Variants in NAMPT observed in about 807,000 individuals in gnomAD.
NAMPT encodes the protein NAmPRTase.
A neutral mutation model predicts 58.7 loss-of-function variants in NAMPT; 7 were observed. That is an observed-to-expected ratio of 0.12 (90% CI 0.07 to 0.22). The LOEUF (loss-of-function observed/expected upper bound fraction) is 0.22. Ranked by LOEUF, NAMPT falls within the 10% of genes least tolerant of loss-of-function variation. NAMPT has a pLI of 1.00. For synonymous variants in NAMPT, 145 were observed against 198.1 expected (o/e 0.73, Z 2.25); for missense variants, 271 against 567.9 (o/e 0.48, Z 5.31).
chr7:106,267,238 C>A (rs1383444643), intron 6 of NAMPT, among the ~76,000 whole-genome samples: 1 of 152,062 alleles, frequency 6.6e-6, no homozygotes, highest in Non-Finnish European at 1.5e-5. Context: ...TTTAATTGTA[C>A]CTCCTTACGA....
At chr7:106,285,250 C>G, upstream of NAMPT, 1 of 892,344 alleles carries the variant, frequency 1.1e-6, no homozygotes, top group Non-Finnish European at 1.4e-6. Context: ...CGCGCTCTTC[C>G]TCCCAGACGC....
rs1792558790 is a variant in NAMPT at position 106,272,651 on chromosome 7, T to C, written c.326A>G (p.Asp109Gly). The change falls in exon 4 of 11, where the codon GAT (aspartate) becomes GGT (glycine). Residue 109 changes from aspartate to glycine, a missense_variant. Transcript: ENST00000222553. Reference protein sequence around the residue: ...KGWNYILEKYDGHLPIEIKAV... With the variant: ...KGWNYILEKYGGHLPIEIKAV... ...TTTTATTTCTATTGGAAGATGCCCA[T>C]CATACTTCTGGCAGGATAAAATGAT... The C allele has an allele frequency of 6.2e-7, 1 of 1,612,950 alleles. No individual in the cohort carries two copies. The highest frequency in any genetic ancestry group is 1.3e-5 in the African/African-American group (1 of 74,886).
At chr7:106,281,288 G>A (rs536330738) in intron 1 of NAMPT, among the ~76,000 whole-genome samples, 1 of 151,998 alleles carries the variant, frequency 6.6e-6, no homozygotes, top group African/African-American at 2.4e-5. Flanking sequence ...AGAAAGCCTA[G>A]TTTTCTCTAG....
chr7:106,257,465 A>T (rs1481160683), intron 8 of NAMPT, among the ~76,000 whole-genome samples: 3 of 22,818 alleles, frequency 1.3e-4, no homozygotes, highest in African/African-American at 2.7e-4. Flanking sequence ...ACAAAACATT[A>T]AAAAAAAAAA....
Position 106,269,443 on chromosome 7 carries a change from C to A in NAMPT, c.448-131G>T, listed in dbSNP as rs565644913. 1.1e-4 allele frequency: 86 copies of A among 805,160 alleles called. No homozygotes were observed. In the African/African-American group the frequency reaches 1.4e-3, roughly 13 times the overall value. The allele number at this position is 805,160 out of a possible 1,614,324, so 49.9% of individuals were successfully genotyped here. On this transcript the variant is annotated intron_variant, in intron 4 of 10. Coordinates refer to ENST00000222553, the MANE Select transcript of NAMPT (RefSeq NM_005746.3). ...ATACTATTAACTAGACACAGAACTGCGCAGCAGGATGCCTGCTGTGTGCAT... is the reference window on the plus strand; with the variant it reads ...ATACTATTAACTAGACACAGAACTGAGCAGCAGGATGCCTGCTGTGTGCAT...
intron 8 of NAMPT, among the ~76,000 whole-genome samples, chr7:106,254,775 G>A (rs547620993): frequency 1.3e-5 from 2 of 152,148 alleles, no homozygotes; most frequent in Non-Finnish European, 2.9e-5. Context: ...GGAAATGAGA[G>A]AAAGTGAGAA....
At chr7:106,278,284 G>C (rs1156711121) in intron 1 of NAMPT, among the ~76,000 whole-genome samples, 1 of 151,512 alleles carries the variant, frequency 6.6e-6, no homozygotes, top group African/African-American at 2.4e-5. Flanking sequence ...GATTCTGAAT[G>C]AATGTGCTGT....
rs532258699 is a variant in NAMPT at position 106,269,987 on chromosome 7, T to C, written c.448-675A>G. Among the ~76,000 whole-genome samples the C allele has an allele frequency of 1.1e-4, 16 of 152,342 alleles. No individual in the cohort carries two copies. In the South Asian group the frequency reaches 2.9e-3, roughly 28 times the overall value. Reference sequence around the variant, plus strand: ...AATATATAAGTATTTGATAAAATACTCACGTAAGTTACAGGAAACACTTCC... The same window carrying C: ...AATATATAAGTATTTGATAAAATACCCACGTAAGTTACAGGAAACACTTCC... On this transcript the variant is annotated intron_variant, in intron 4 of 10. Coordinates refer to ENST00000222553, the MANE Select transcript of NAMPT (RefSeq NM_005746.3).
intron 3 of NAMPT, among the ~76,000 whole-genome samples, chr7:106,274,314 T>C (rs545562266): frequency 6.6e-6 from 1 of 152,146 alleles, no homozygotes; most frequent in Admixed American, 6.5e-5. Context: ...CAAGAATGAA[T>C]TATCTTTCTC....
intron 4 of NAMPT, among the ~76,000 whole-genome samples, chr7:106,270,719 A>G (rs1792515662): frequency 6.6e-6 from 1 of 152,206 alleles, no homozygotes; most frequent in Non-Finnish European, 1.5e-5. Flanking sequence ...GAGACCCGGT[A>G]GTCCCAGCTA....
At chr7:106,254,307 TTCTACCTA>T in intron 9 of NAMPT, 49 bp downstream of exon 9, 1 of 1,589,348 alleles carries the variant, frequency 6.3e-7, no homozygotes, top group Admixed American at 1.7e-5. Flanking sequence ...AATAACCACA[TTCTACCTA>T]GATACATAAG....
chr7:106,252,923 T>C, intron 10 of NAMPT, 94 bp downstream of exon 10: 1 of 1,431,792 alleles, frequency 7.0e-7, no homozygotes, highest in South Asian at 1.3e-5. Context: ...TACTTTGTCT[T>C]CCACAAAAAC....
At position 106,251,108 on chromosome 7, in the gene NAMPT, A is replaced by G. The variant is rs202025145; in HGVS notation, c.1451T>C (p.Ile484Thr). ...DEIRKNAQLN[I>T]ELEAAHH The stretch of plus-strand genomic sequence containing the variant: ...CTAATGATGTGCTGCTTCCAGTTCA[A>G]TATTCAGCTGTGCATTTTTTCTTAT... The change falls in exon 11 of 11, where the codon ATT becomes ACT. Residue 484 changes from isoleucine (I) to threonine (T), a missense_variant. Physicochemically the swap from Ile to Thr is moderately conservative, Grantham distance 89 (BLOSUM62 -1). Coordinates refer to ENST00000222553, the MANE Select transcript of NAMPT (RefSeq NM_005746.3). 608 of 1,587,892 alleles carry G rather than the reference A, an allele frequency of 3.8e-4. 3 individuals are homozygous for G. The highest frequency in any genetic ancestry group is 9.0e-5 in the Non-Finnish European group (104 of 1,156,530).
In NAMPT at chr7:106,269,232, C is replaced by T. The variant is rs911838370; in HGVS notation, c.528G>A (p.Leu176=). The T allele has an allele frequency of 6.2e-7, 1 of 1,613,484 alleles. No individual in the cohort carries two copies. Among genetic ancestry groups the T allele is most frequent in the Non-Finnish European group, 8.5e-7 (1 of 1,179,612 alleles). ...REQKKILAKY[L]LETSGNLDGL... ...CATCTAAGTTACCAGAAGTTTCTAA[C>T]AAATATTTGGCCAATATTTTCTTCT... Residue 176 remains leucine (L), a synonymous_variant, in exon 5 of 11, where the codon TTG becomes TTA. Transcript: ENST00000222553.
rs1224477968 is a variant in NAMPT, at chr7:106,251,209, T to C, written c.1366-16A>G. 3 of 1,515,894 alleles carry C rather than the reference T, an allele frequency of 2.0e-6. No homozygotes were observed. In the African/African-American group the frequency reaches 4.1e-5, roughly 21 times the overall value. The allele number at this position is 1,515,894 out of a possible 1,614,324, so 93.9% of individuals were successfully genotyped here. A position where few individuals can be genotyped will look rare whatever the true frequency, so the allele number is the denominator to read the frequency against. ...GGAGAAGATCCTGCATAAATGGAAATTTCATGATTATATTACATTATTAAG... is the reference window on the plus strand; with the variant it reads ...GGAGAAGATCCTGCATAAATGGAAACTTCATGATTATATTACATTATTAAG... On this transcript the variant is annotated splice_polypyrimidine_tract_variant and intron_variant, in intron 10 of 10. Coordinates refer to ENST00000222553, the MANE Select transcript of NAMPT (RefSeq NM_005746.3).
chr7:106,252,185 T>C (rs1398796931), intron 10 of NAMPT, among the ~76,000 whole-genome samples: 1 of 152,092 alleles, frequency 6.6e-6, no homozygotes, highest in Admixed American at 6.6e-5. Flanking sequence ...TTACTTTTAG[T>C]TTGAAGTGAC....
chr7:106,267,840 CAAAAAAAAAAAAAAAAAAAAAAAA>C (rs769070307), intron 6 of NAMPT, among the ~76,000 whole-genome samples: 2 of 33,174 alleles, frequency 6.0e-5, no homozygotes, highest in Non-Finnish European at 1.1e-4. Flanking sequence ...GACTCCGTCT[CAAAAAAAAAAAAAAAAAAAAAAAA>C]AAAAAAAAAA....
chr7:106,283,181 C>G (rs569957139), intron 1 of NAMPT, among the ~76,000 whole-genome samples: 1 of 152,068 alleles, frequency 6.6e-6, no homozygotes, highest in African/African-American at 2.4e-5. Context: ...TAAAACACAC[C>G]AGTCTGACTT....
Position 106,249,258 on chromosome 7 carries a change from CAT to C in NAMPT, c.*1823_*1824del, listed in dbSNP as rs1416243322. The C allele has an allele frequency of 6.6e-6, 1 of 152,492 alleles. No individual in the cohort carries two copies. Among genetic ancestry groups the C allele is most frequent in the African/African-American group, 2.4e-5 (1 of 41,408 alleles). 9.4% of individuals were successfully genotyped at this position (152,492 alleles called of 1,614,324 possible). A position where few individuals can be genotyped will look rare whatever the true frequency, so the allele number is the denominator to read the frequency against. The stretch of plus-strand genomic sequence containing the variant: ...TGAATAATGCTTATTGTTCTCACTA[CAT>C]GTTTAAAGAACCATCTGAAAAACAT... On this transcript the variant is annotated 3_prime_UTR_variant, in exon 11 of 11. Coordinates refer to ENST00000222553, the MANE Select transcript of NAMPT (RefSeq NM_005746.3).
Sources: gnomAD v4.1 joint callset for allele counts (sites outside exome capture counted in the v4.1 genomes callset) on GRCh38, gnomAD v4.1.1 for gene constraint, MANE v1.5 for transcripts, NCBI Gene and HGNC (gene_info 2026-07-23, HGNC 2026-07-21) for gene names.